The following GVQW3 variants were observed in gnomAD, a reference collection of about 807,000 sequenced individuals.
The protein encoded by GVQW3 is protein GVQW3.
Under a neutral mutation model 12.5 loss-of-function variants are expected in GVQW3, and 7 were observed. The observed-to-expected ratio is 0.56, with a 90% CI of 0.32 to 1.05. GVQW3 has a LOEUF of 1.05. GVQW3 is among the 50% of genes least tolerant of loss of function. The pLI is 0.04. For synonymous variants in GVQW3, 71 were observed against 67.2 expected (o/e 1.06, Z -0.28); for missense variants, 188 against 190.8 (o/e 0.99, Z 0.09).
intron 1 of GVQW3, among the ~76,000 whole-genome samples, chr11:76,402,874 T>C (rs1215008005): frequency 6.6e-6 from 1 of 151,960 alleles, no homozygotes; most frequent in African/African-American, 2.4e-5. Context: ...AATTTTTGTA[T>C]TTTTTTGTAG....
chr11:76,413,935 T>C (rs1436953221), exon 2 of GVQW3: 1 of 152,146 alleles, frequency 6.6e-6, no homozygotes, highest in Non-Finnish European at 1.5e-5. Context: ...ATCACTGAGA[T>C]AGAGGATAGA....
Position 76,398,134 on chromosome 11 carries a change from C to CAA in GVQW3, c.466-5511_466-5510dup, listed in dbSNP as rs58006104. ...TGGGTAATAGACTGAGACTGTGTCT[C>CAA]AAAAAAAAAAAAAAAAGAAAGAAAA... On this transcript the variant is annotated intron_variant, in intron 1 of 1. Transcript: ENST00000529331. Among the ~76,000 whole-genome samples, 348 of 107,984 alleles carry CAA rather than the reference C, an allele frequency of 3.2e-3. 1 individual carries two copies. Among genetic ancestry groups the CAA allele is most frequent in the Middle Eastern group, 0.014 (3 of 210 alleles). The allele number at this position is 107,984 out of a possible 152,430, so 70.8% of individuals were successfully genotyped here. A position where few individuals can be genotyped will look rare whatever the true frequency, so the allele number is the denominator to read the frequency against.
chr11:76,406,784 C>G lies in GVQW3; in HGVS notation c.*3026C>G, dbSNP rs111240226. 9,571 of 152,110 alleles carry G rather than the reference C, an allele frequency of 0.063. 411 individuals carry two copies. The highest frequency in any genetic ancestry group is 0.15 in the East Asian group (759 of 5,152). 9.4% of individuals were successfully genotyped at this position (152,110 alleles called of 1,614,324 possible). A position where few individuals can be genotyped will look rare whatever the true frequency, so the allele number is the denominator to read the frequency against. On this transcript the variant is annotated 3_prime_UTR_variant, in exon 2 of 2. Transcript: ENST00000529331. ...AGCACTTTAGGAGGCCAAGGCGGGT[C>G]GATCACGAAGTCAGGAGATCGAGAC...
At chr11:76,413,391 C>T (rs1051601296) in exon 2 of GVQW3, 8 of 152,112 alleles carry the variant, frequency 5.3e-5, no homozygotes, top group Admixed American at 2.0e-4. Context: ...GGAAAAGCTT[C>T]GACCGCTCTG....
intron 1 of GVQW3, among the ~76,000 whole-genome samples, chr11:76,391,893 G>A (rs1946895973): frequency 6.6e-6 from 1 of 152,254 alleles, no homozygotes; most frequent in African/African-American, 2.4e-5. Context: ...GGTGGAGGTT[G>A]CAGTGAGCTG....
At chr11:76,384,481 C>T (rs574654912) in intron 1 of GVQW3, among the ~76,000 whole-genome samples, 15 of 152,270 alleles carry the variant, frequency 9.9e-5, no homozygotes, top group Non-Finnish European at 2.9e-5. Context: ...TGCTGCTACA[C>T]CCGGCTATTT....
chr11:76,382,486 G>A (rs1355859888), intron 1 of GVQW3, 193 bp downstream of exon 1: 5 of 627,278 alleles, frequency 8.0e-6, no homozygotes, highest in Admixed American at 5.4e-5. Flanking sequence ...AGCTGAACCA[G>A]AACTAGGATG....
chr11:76,406,407 T>C lies in GVQW3; in HGVS notation c.*2649T>C, dbSNP rs1357507418. 1 of 152,274 alleles carries C rather than the reference T, an allele frequency of 6.6e-6. No homozygotes were observed. Among genetic ancestry groups the C allele is most frequent in the East Asian group, 1.9e-4 (1 of 5,196 alleles). 9.4% of individuals were successfully genotyped at this position (152,274 alleles called of 1,614,324 possible). A position where few individuals can be genotyped will look rare whatever the true frequency, so the allele number is the denominator to read the frequency against. On this transcript the variant is annotated 3_prime_UTR_variant, in exon 2 of 2. Transcript: ENST00000529331. ...CCTGAGTGCAGCCACTTTGGAATGG[T>C]CAGGCTAGAAGGTTCAGCCTTTATT... is the stretch of plus-strand genomic sequence containing the variant.
chr11:76,385,962 A>G (rs941357029), intron 1 of GVQW3, among the ~76,000 whole-genome samples: 2 of 152,220 alleles, frequency 1.3e-5, no homozygotes, highest in Admixed American at 6.5e-5. Context: ...TTTCCCTGGC[A>G]GGAGAAACTC....
chr11:76,391,862 G>A (rs1378051505), intron 1 of GVQW3, among the ~76,000 whole-genome samples: 1 of 152,240 alleles, frequency 6.6e-6, no homozygotes, highest in Non-Finnish European at 1.5e-5. Context: ...GCTGAGGCAG[G>A]AGAATCACTT....
downstream of GVQW3, among the ~76,000 whole-genome samples, chr11:76,410,653 C>T (rs760117927): frequency 2.0e-5 from 3 of 152,254 alleles, no homozygotes; most frequent in East Asian, 5.8e-4. Flanking sequence ...GGCGCCTTCC[C>T]AGATACCTCC....
intron 1 of GVQW3, chr11:76,383,883 T>C (rs1590813790): frequency 6.6e-6 from 1 of 152,298 alleles, no homozygotes; most frequent in African/African-American, 2.4e-5. Context: ...TTGGGATAAT[T>C]TGCTTTCTCT....
At chr11:76,401,632 G>C (rs1438905891) in intron 1 of GVQW3, among the ~76,000 whole-genome samples, 1 of 152,016 alleles carries the variant, frequency 6.6e-6, no homozygotes, top group Non-Finnish European at 1.5e-5. Context: ...AATTAGCCAG[G>C]CATGGTGGCG....
intron 1 of GVQW3, chr11:76,382,752 T>C: frequency 3.6e-6 from 1 of 281,620 alleles, no homozygotes; most frequent in Non-Finnish European, 6.7e-6. Flanking sequence ...GTTCCTTTGT[T>C]CTCAACCTTC....
rs1039489562 is a variant in GVQW3, at chr11:76,381,923, C to T, written c.95C>T (p.Ala32Val). Residue 32 changes from alanine (A) to valine (V), a missense_variant, in exon 1 of 2, where the codon GCT becomes GTT. Ala to Val is a moderately conservative substitution (Grantham distance 64). Coordinates refer to ENST00000529331, the MANE Select transcript of GVQW3 (RefSeq NM_001347885.2). ...GAGACCCACCATCTTTTAAAAGAAG[C>T]TTATGGGGATGAAGTCATGTCAAGG... ...ASETHHLLKEAYGDEVMSRAR... is the reference protein window; with the variant it reads ...ASETHHLLKEVYGDEVMSRAR... The T allele has an allele frequency of 6.5e-7, 1 of 1,536,378 alleles. No individual in the cohort carries two copies. Among genetic ancestry groups the T allele is most frequent in the Middle Eastern group, 1.7e-4 (1 of 5,990 alleles).
chr11:76,394,290 C>G (rs957192892), intron 1 of GVQW3, among the ~76,000 whole-genome samples: 5 of 152,172 alleles, frequency 3.3e-5, no homozygotes, highest in Non-Finnish European at 7.3e-5. Flanking sequence ...TTCTTTCTAA[C>G]TATTTTTTGG....
intron 1 of GVQW3, among the ~76,000 whole-genome samples, chr11:76,397,656 T>A (rs1395039553): frequency 6.6e-6 from 1 of 152,210 alleles, no homozygotes; most frequent in Admixed American, 6.5e-5. Flanking sequence ...AATGTAGAAC[T>A]GGGAACAGAT....
intron 1 of GVQW3, among the ~76,000 whole-genome samples, chr11:76,403,113 A>G (rs1260945140): frequency 6.6e-6 from 1 of 151,570 alleles, no homozygotes; most frequent in Non-Finnish European, 1.5e-5. Context: ...ACACCCGGCT[A>G]ATTTTTGTAT....
rs1252262289 is a variant in GVQW3, at chr11:76,407,403, C to T, written c.*3645C>T. On this transcript the variant is annotated 3_prime_UTR_variant, in exon 2 of 2. Transcript: ENST00000529331. ...ACCAGCCTGGTCAACATGGTGAAAC[C>T]CCTTCTCTACTAAAAATACAAAAAT... 3.3e-5 allele frequency: 5 copies of T among 151,628 alleles called. No homozygotes were observed. The highest frequency in any genetic ancestry group is 5.9e-5 in the Non-Finnish European group (4 of 67,964). 9.4% of individuals were successfully genotyped at this position (151,628 alleles called of 1,614,324 possible).
Sources: gnomAD v4.1 joint callset for allele counts (sites outside exome capture counted in the v4.1 genomes callset) on GRCh38, gnomAD v4.1.1 for gene constraint, MANE v1.5 for transcripts, NCBI Gene and HGNC (gene_info 2026-07-23, HGNC 2026-07-21) for gene names.